The following CHRNA6 variants were observed in gnomAD, a reference collection of about 807,000 sequenced individuals.
CHRNA6 encodes neuronal acetylcholine receptor subunit alpha-6.
Under a neutral mutation model 40.9 loss-of-function variants are expected in CHRNA6, and 31 were observed. The observed-to-expected ratio is 0.76, with a 90% CI of 0.57 to 1.02. CHRNA6 has a LOEUF of 1.02. Ranked by LOEUF, CHRNA6 falls within the 50% of genes least tolerant of loss-of-function variation. The probability of loss-of-function intolerance (pLI) is 0.00; values close to 1 mark genes in which losing one functional copy is unlikely to be tolerated. For synonymous variants in CHRNA6, 222 were observed against 221.3 expected (o/e 1.00, Z -0.03); for missense variants, 546 against 596.6 (o/e 0.92, Z 0.88).
chr8:42,763,066 C>T (rs1389931345), intron 2 of CHRNA6, among the ~76,000 whole-genome samples: 1 of 152,204 alleles, frequency 6.6e-6, no homozygotes, highest in Non-Finnish European at 1.5e-5. Flanking sequence ...GTACACTTTG[C>T]TCTTTTTCTC....
intron 2 of CHRNA6, among the ~76,000 whole-genome samples, chr8:42,762,868 T>C (rs1586427950): frequency 1.3e-5 from 2 of 152,302 alleles, no homozygotes; most frequent in East Asian, 1.9e-4. Flanking sequence ...GGCAGATTAG[T>C]GGGAGAAACA....
Position 42,756,314 on chromosome 8 carries a change from G to C in CHRNA6, c.885C>G (p.Ser295=), listed in dbSNP as rs1210977829. ...CCACCAGTGGGACCACCAGAGATGTGGATGGGATGGTTTCTGTGATGACCA... is the reference window on the plus strand; with the variant it reads ...CCACCAGTGGGACCACCAGAGATGTCGATGGGATGGTTTCTGTGATGACCA... ...FLLVITETIP[S]TSLVVPLVGE... Residue 295 remains serine (S), a synonymous_variant, in exon 5 of 6, where the codon TCC becomes TCG. Coordinates refer to ENST00000276410, the MANE Select transcript of CHRNA6 (RefSeq NM_004198.3). 1 of 1,614,234 alleles carries C rather than the reference G, an allele frequency of 6.2e-7. No individual in the cohort carries two copies. Among genetic ancestry groups the C allele is most frequent in the Admixed American group, 1.7e-5 (1 of 60,030 alleles).
intron 1 of CHRNA6, 64 bp downstream of exon 1, chr8:42,768,288 A>G: frequency 7.6e-7 from 1 of 1,309,814 alleles, no homozygotes; most frequent in Non-Finnish European, 1.1e-6. Flanking sequence ...AAGCACAACT[A>G]GAAAAGAGAG....
intron 1 of CHRNA6, among the ~76,000 whole-genome samples, chr8:42,766,521 A>AGAAAGAAAGAAAGAAAGAAAG (rs1563627476): frequency 1.3e-5 from 2 of 151,820 alleles, no homozygotes; most frequent in South Asian, 2.1e-4. Context: ...AAAGAAAGAA[A>AGAAAGAAAGAAAGAAAGAAAG]ATGTGGTATA....
At chr8:42,766,241 T>A (rs1318583304) in intron 1 of CHRNA6, among the ~76,000 whole-genome samples, 1 of 152,038 alleles carries the variant, frequency 6.6e-6, no homozygotes, top group Admixed American at 6.6e-5. Context: ...GCCTGTAATC[T>A]CAGCACTTTG....
chr8:42,764,788 G>A (rs560121974), intron 2 of CHRNA6, among the ~76,000 whole-genome samples: 3 of 152,120 alleles, frequency 2.0e-5, no homozygotes, highest in African/African-American at 4.8e-5. Flanking sequence ...GTAAACAGGC[G>A]TCTGGTGCAT....
chr8:42,765,899 T>C (rs535788562), intron 1 of CHRNA6, among the ~76,000 whole-genome samples: 1 of 152,278 alleles, frequency 6.6e-6, no homozygotes, highest in Non-Finnish European at 1.5e-5. Flanking sequence ...ATGGCAGTTA[T>C]TAAAAAGTGA....
At position 42,759,083 on chromosome 8, in the gene CHRNA6, A is replaced by T; in HGVS notation, c.250T>A (p.Leu84Met). The change falls in exon 3 of 6, where the codon TTG becomes ATG. Residue 84 changes from leucine to methionine, a missense_variant. By Grantham distance (15) the Leu-to-Met change is conservative. Around this residue, in one of 3 missense-constraint regions of CHRNA6, gnomAD observed 476 missense variants for 494.5 expected, o/e 0.96. Coordinates refer to ENST00000276410, the MANE Select transcript of CHRNA6 (RefSeq NM_004198.3). Reference protein sequence around the residue: ...DEVNQIMETNLWLRHIWNDYK... With the variant: ...DEVNQIMETNMWLRHIWNDYK... ...TAGGCACATACGTGACGCAGCCACA[A>T]ATTGGTTTCCATGATCTGGTTTACT... 1 of 1,613,586 alleles carries T rather than the reference A, an allele frequency of 6.2e-7. No individual in the cohort carries two copies.
rs1261203616 is a variant in CHRNA6, at chr8:42,756,019, C to A, written c.1180G>T (p.Glu394Ter). The change falls in exon 5 of 6, where the codon GAA becomes TAA. Residue 394 changes from glutamate to a stop codon, truncating the protein, a stop_gained. Transcript: ENST00000276410. LOFTEE classifies it high-confidence loss of function. ...ASHGEPRHLK[E>*]CFHCHKSNEL... ...TTTGATTTGTGACAATGGAAGCATTCTTTAAGATGTCTGGGTTCCCCATGG... is the reference window on the plus strand; with the variant it reads ...TTTGATTTGTGACAATGGAAGCATTATTTAAGATGTCTGGGTTCCCCATGG... 4.3e-6 allele frequency: 7 copies of A among 1,614,142 alleles called. No individual in the cohort carries two copies. The highest frequency in any genetic ancestry group is 5.9e-6 in the Non-Finnish European group (7 of 1,180,056).
At chr8:42,757,917 C>T (rs1816833748) in intron 3 of CHRNA6, among the ~76,000 whole-genome samples, 1 of 151,564 alleles carries the variant, frequency 6.6e-6, no homozygotes, top group African/African-American at 2.4e-5. Context: ...CCCCTGTAGT[C>T]CCAGCTACTC....
intron 5 of CHRNA6, 126 bp downstream of exon 5, chr8:42,755,720 G>T: frequency 9.2e-7 from 1 of 1,081,706 alleles, no homozygotes; most frequent in Admixed American, 2.2e-5. Context: ...ACAGAGCCAG[G>T]TCTCAGAGCA....
intron 3 of CHRNA6, 69 bp downstream of exon 3, chr8:42,759,000 G>T (rs963523247): frequency 5.1e-6 from 6 of 1,169,710 alleles, no homozygotes; most frequent in South Asian, 3.7e-5. Context: ...GTTGGAGATG[G>T]AACAAGGTAG....
In CHRNA6 at chr8:42,753,238, CACAG is replaced by C. The variant is rs1816747204; in HGVS notation, c.1422_1425del (p.Cys475TyrfsTer93). 1.2e-6 allele frequency: 2 copies of C among 1,611,998 alleles called. No homozygotes were observed. The highest frequency in any genetic ancestry group is 2.2e-5 in the South Asian group (2 of 90,656). The stretch of plus-strand genomic sequence containing the variant: ...AGAAATAGCCCTGCAGTTCCAAATA[CACAG>C]ACAATTATAAATACCCAAAGAAATA... On this transcript the variant is annotated frameshift_variant, in exon 6 of 6. Coordinates refer to ENST00000276410, the MANE Select transcript of CHRNA6 (RefSeq NM_004198.3). LOFTEE classifies it high-confidence loss of function.
intron 2 of CHRNA6, among the ~76,000 whole-genome samples, chr8:42,760,815 A>G (rs1468961553): frequency 2.6e-5 from 4 of 152,184 alleles, no homozygotes; most frequent in Non-Finnish European, 5.9e-5. Context: ...GACATCCCAA[A>G]TGTAATGAGT....
chr8:42,755,597 A>T (rs1816785935), intron 5 of CHRNA6, among the ~76,000 whole-genome samples: 1 of 152,068 alleles, frequency 6.6e-6, no homozygotes, highest in Non-Finnish European at 1.5e-5. Context: ...ATTTTAAGCA[A>T]ATTTTACTTG....
intron 2 of CHRNA6, among the ~76,000 whole-genome samples, chr8:42,762,442 A>T (rs1816917709): frequency 6.6e-6 from 1 of 152,184 alleles, no homozygotes; most frequent in Non-Finnish European, 1.5e-5. Context: ...TGAGGTCAGG[A>T]GTTCGAGACC....
At chr8:42,753,358 T>C (rs371024226) in intron 5 of CHRNA6, 48 bp from the exon 6 acceptor site, 4 of 1,532,490 alleles carry the variant, frequency 2.6e-6, no homozygotes, top group Non-Finnish European at 3.6e-6. Flanking sequence ...ACCAAAACCA[T>C]AAGAAACATG....
chr8:42,757,353 C>T (rs1211084539), intron 3 of CHRNA6, among the ~76,000 whole-genome samples: 1 of 121,326 alleles, frequency 8.2e-6, no homozygotes, highest in Non-Finnish European at 1.5e-5. Flanking sequence ...GTGACTCTAT[C>T]TGGAAAAAAA....
intron 2 of CHRNA6, among the ~76,000 whole-genome samples, chr8:42,760,112 A>G (rs1477084031): frequency 3.9e-5 from 6 of 152,200 alleles, no homozygotes; most frequent in Non-Finnish European, 8.8e-5. Context: ...GAGACATAAA[A>G]TTACTAATAC....
Sources: allele counts gnomAD v4.1 joint callset (sites outside exome capture counted in the v4.1 genomes callset), GRCh38; gene constraint gnomAD v4.1.1; regional missense constraint gnomAD v4.1.1; transcripts MANE v1.5; gene names NCBI Gene and HGNC (gene_info 2026-07-23, HGNC 2026-07-21).